The following MAPK8 variants were observed in gnomAD, a reference collection of about 807,000 sequenced individuals.
The protein encoded by MAPK8 is mitogen-activated protein kinase 8.
In MAPK8, 13 loss-of-function variants were observed where a neutral mutation model predicts 52.9. The ratio of observed to expected loss-of-function variants is 0.25; its 90% CI spans 0.16 to 0.39. MAPK8 has a LOEUF of 0.39. MAPK8 is among the 10% of genes least tolerant of loss of function. The pLI is 1.00. For synonymous variants in MAPK8, 191 were observed against 169.8 expected, an observed-to-expected ratio of 1.12 and a Z score of -0.97; for missense variants, 300 against 519.2, an observed-to-expected ratio of 0.58 and a Z score of 4.10.
chr10:48,322,719 C>G (rs1482717005), intron 1 of MAPK8, among the ~76,000 whole-genome samples: 2 of 152,142 alleles, frequency 1.3e-5, no homozygotes, highest in Non-Finnish European at 2.9e-5. Flanking sequence ...TCAAGCTCAG[C>G]TTCTCAGCCA....
intron 1 of MAPK8, among the ~76,000 whole-genome samples, chr10:48,339,392 A>G (rs549702235): frequency 2.0e-5 from 3 of 152,318 alleles, no homozygotes; most frequent in Non-Finnish European, 4.4e-5. Flanking sequence ...TATGTAGAAG[A>G]ATGAAAATAG....
At chr10:48,385,014 G>A (rs2041226679) in intron 1 of MAPK8, among the ~76,000 whole-genome samples, 1 of 152,152 alleles carries the variant, frequency 6.6e-6, no homozygotes, top group Non-Finnish European at 1.5e-5. Flanking sequence ...GAAAGGGATT[G>A]ATTGCAAAAA....
intron 5 of MAPK8, among the ~76,000 whole-genome samples, chr10:48,410,571 C>T (rs1564599227): frequency 1.3e-5 from 2 of 152,160 alleles, no homozygotes; most frequent in African/African-American, 4.8e-5. Flanking sequence ...TTCTACCTTT[C>T]AGCTATTATG....
chr10:48,420,124 G>C, intron 5 of MAPK8, 31 bp from the exon 6 acceptor site: 1 of 1,524,904 alleles, frequency 6.6e-7, no homozygotes, highest in South Asian at 1.1e-5. Context: ...ATATATCATG[G>C]CAGTCATTTT....
rs1302772746 is a variant in MAPK8 at position 48,436,179 on chromosome 10, A to G, written c.*1150A>G. On this transcript the variant is annotated 3_prime_UTR_variant, in exon 12 of 12. Coordinates refer to ENST00000374189, the MANE Select transcript of MAPK8 (RefSeq NM_001323329.2). ...CATCTGAAAATAGTAGCACACAGCC[A>G]TATATAGGATATCATTTTCTAAGGA... The G allele has an allele frequency of 6.6e-6, 1 of 152,270 alleles. No homozygotes were observed. Among genetic ancestry groups the G allele is most frequent in the Non-Finnish European group, 1.5e-5 (1 of 68,054 alleles). The allele number at this position is 152,270 out of a possible 1,614,324, so 9.4% of individuals were successfully genotyped here.
At chr10:48,399,283 C>T (rs1043528451) in intron 1 of MAPK8, among the ~76,000 whole-genome samples, 1 of 152,082 alleles carries the variant, frequency 6.6e-6, no homozygotes, top group African/African-American at 2.4e-5. Context: ...GTTAACAGTA[C>T]GTAGCATGGT....
At chr10:48,320,429 C>G (rs1204876573) in intron 1 of MAPK8, among the ~76,000 whole-genome samples, 3 of 151,182 alleles carry the variant, frequency 2.0e-5, no homozygotes, top group Non-Finnish European at 3.0e-5. Context: ...TAGAGGCAGG[C>G]TCTCCCTATG....
chr10:48,431,797 T>G (rs1168226697), intron 11 of MAPK8, among the ~76,000 whole-genome samples: 2 of 152,178 alleles, frequency 1.3e-5, no homozygotes, highest in Non-Finnish European at 2.9e-5. Flanking sequence ...GATCTTATAT[T>G]TAATGTTAGT....
intron 10 of MAPK8, 63 bp from the exon 11 acceptor site, chr10:48,431,130 A>G (rs2044208678): frequency 2.0e-6 from 2 of 995,104 alleles, no homozygotes; most frequent in Admixed American, 1.8e-5. Context: ...CTTAAACCAT[A>G]CATGCGTTGT....
intron 1 of MAPK8, among the ~76,000 whole-genome samples, chr10:48,366,747 A>G (rs1564536925): frequency 6.6e-6 from 1 of 152,212 alleles, no homozygotes; most frequent in Non-Finnish European, 1.5e-5. Flanking sequence ...GTTGGAGCTC[A>G]TTAGTTTGGA....
chr10:48,433,323 A>C (rs2044520068), intron 11 of MAPK8, among the ~76,000 whole-genome samples: 1 of 152,232 alleles, frequency 6.6e-6, no homozygotes, highest in African/African-American at 2.4e-5. Context: ...ATATATAAAA[A>C]TTGTATATGT....
intron 1 of MAPK8, among the ~76,000 whole-genome samples, chr10:48,381,913 G>T (rs2041027880): frequency 6.6e-6 from 1 of 152,034 alleles, no homozygotes; most frequent in Non-Finnish European, 1.5e-5. Flanking sequence ...AACTACCCAC[G>T]TGGCACCCAA....
intron 1 of MAPK8, among the ~76,000 whole-genome samples, chr10:48,390,047 A>G (rs899512836): frequency 5.3e-5 from 8 of 152,112 alleles, no homozygotes; most frequent in African/African-American, 1.9e-4. Context: ...GAACCAGAAC[A>G]CCGAATGTAG....
chr10:48,392,946 C>T (rs1039861132), intron 1 of MAPK8, among the ~76,000 whole-genome samples: 2 of 152,062 alleles, frequency 1.3e-5, no homozygotes, highest in Non-Finnish European at 2.9e-5. Flanking sequence ...TTATTTGACA[C>T]CTCTGTTAAA....
intron 1 of MAPK8, among the ~76,000 whole-genome samples, chr10:48,359,071 C>G (rs142065116): frequency 4.4e-4 from 67 of 152,274 alleles, no homozygotes; most frequent in Non-Finnish European, 8.2e-4. Flanking sequence ...AAAAACCCGA[C>G]TTTTGGTTTT....
At chr10:48,369,361 G>A (rs1462801146) in intron 1 of MAPK8, among the ~76,000 whole-genome samples, 1 of 152,136 alleles carries the variant, frequency 6.6e-6, no homozygotes, top group South Asian at 2.1e-4. Context: ...TGTGTTTCTG[G>A]CTTGAATACC....
rs199974312 is a variant in MAPK8 at position 48,422,006 on chromosome 10, C to CTTATTTATTTATTTAT, written c.616+1713_616+1728dup. On this transcript the variant is annotated intron_variant, in intron 6 of 11. Transcript: ENST00000374189. Reference sequence around the variant, plus strand: ...GACACCTCACACTCATTTTATTTATCTTATTTATTTATTTATTTATTTATT... The same window carrying CTTATTTATTTATTTAT: ...GACACCTCACACTCATTTTATTTATCTTATTTATTTATTTATTTATTTATTTATTTATTTATTTATT... Among the ~76,000 whole-genome samples, 40 of 143,952 alleles carry CTTATTTATTTATTTAT rather than the reference C, an allele frequency of 2.8e-4. 1 individual carries two copies. Among genetic ancestry groups the CTTATTTATTTATTTAT allele is most frequent in the African/African-American group, 4.7e-4 (18 of 38,396 alleles). The allele number at this position is 143,952 out of a possible 152,430, so 94.4% of individuals were successfully genotyped here. A position where few individuals can be genotyped will look rare whatever the true frequency, so the allele number is the denominator to read the frequency against.
At chr10:48,369,120 T>C (rs953184487) in intron 1 of MAPK8, among the ~76,000 whole-genome samples, 1 of 152,062 alleles carries the variant, frequency 6.6e-6, no homozygotes. Flanking sequence ...GCAGAATTCT[T>C]AGAAAGAACC....
At chr10:48,402,062 A>G (rs1337042839) in intron 2 of MAPK8, among the ~76,000 whole-genome samples, 4 of 152,194 alleles carry the variant, frequency 2.6e-5, no homozygotes, top group Non-Finnish European at 5.9e-5. Context: ...CCAAATTCAA[A>G]TCAGAAATAC....
Sources: allele counts gnomAD v4.1 joint callset (sites outside exome capture counted in the v4.1 genomes callset), GRCh38; gene constraint gnomAD v4.1.1; transcripts MANE v1.5; gene names NCBI Gene and HGNC (gene_info 2026-07-23, HGNC 2026-07-21).